LAMC3: variants seen among roughly 807,000 people sequenced by gnomAD.
LAMC3 encodes the protein laminin subunit gamma-3.
Under a neutral mutation model 173.8 loss-of-function variants are expected in LAMC3, and 128 were observed. The ratio of observed to expected loss-of-function variants is 0.74; its 90% CI spans 0.64 to 0.85. LAMC3 has a LOEUF of 0.85. Ranked by LOEUF, LAMC3 falls within the 40% of genes least tolerant of loss-of-function variation. The pLI, the probability that LAMC3 is intolerant of heterozygous loss-of-function variation, is 0.00. For synonymous variants in LAMC3, 897 were observed against 909.1 expected (o/e 0.99, Z 0.24); for missense variants, 2,022 against 2,156.0 (o/e 0.94, Z 1.23).
intron 17 of LAMC3, among the ~76,000 whole-genome samples, chr9:131,070,330 A>G (rs970716017): frequency 1.3e-5 from 2 of 152,216 alleles, no homozygotes; most frequent in Non-Finnish European, 2.9e-5. Context: ...TTCGTACTCC[A>G]GACTGGAGAT....
chr9:131,029,979 C>T lies in LAMC3; in HGVS notation c.679-2066C>T, dbSNP rs1294703792. On this transcript the variant is annotated intron_variant, in intron 2 of 27. Transcript: ENST00000361069. The surrounding 1 kb of genome is among the most constrained non-coding windows in gnomAD (Gnocchi z 4.6). ...TTTTTTTGAGACAGTTTCGCTCTGT[C>T]GCCCAGGCTGGAGTGCAGTGGCACG... Among the ~76,000 whole-genome samples the T allele has an allele frequency of 1.3e-5, 2 of 148,738 alleles. No individual in the cohort carries two copies. The highest frequency in any genetic ancestry group is 2.1e-4 in the South Asian group (1 of 4,750).
chr9:131,067,305 A>C, intron 14 of LAMC3, 100 bp downstream of exon 14: 1 of 1,477,412 alleles, frequency 6.8e-7, no homozygotes, highest in East Asian at 2.3e-5. Flanking sequence ...ACCCACCAGA[A>C]CCAGCTGGCT....
chr9:131,023,503 A>T (rs767740241), intron 1 of LAMC3, among the ~76,000 whole-genome samples: 1 of 152,134 alleles, frequency 6.6e-6, no homozygotes, highest in Non-Finnish European at 1.5e-5. Flanking sequence ...TTCTGGTTTT[A>T]TCTTGCATTT....
chr9:131,009,279 T>C lies in LAMC3; in HGVS notation c.65T>C (p.Met22Thr), dbSNP rs891453473. ...GCACCGCGGGCGGCCGGCGCGGGCA[T>C]GGGCGCGTGCTATGACGGCGCAGGG... is the stretch of plus-strand genomic sequence containing the variant. ...LLAPRAAGAG[M>T]GACYDGAGRP... is the part of the protein sequence containing the mutation. The change falls in exon 1 of 28, where the codon ATG (methionine) becomes ACG (threonine). Residue 22 changes from methionine to threonine, a missense_variant. Physicochemically the swap from Met to Thr is moderately conservative, Grantham distance 81. Transcript: ENST00000361069. This position sits in a 1 kb window ranked among gnomAD's most constrained non-coding sequence, Gnocchi z 4.3. 6 of 1,373,498 alleles carry C rather than the reference T, an allele frequency of 4.4e-6. No individual in the cohort carries two copies. The highest frequency in any genetic ancestry group is 1.6e-5 in the South Asian group (1 of 61,012). The allele number at this position is 1,373,498 out of a possible 1,614,324, so 85.1% of individuals were successfully genotyped here. A position where few individuals can be genotyped will look rare whatever the true frequency, so the allele number is the denominator to read the frequency against.
chr9:131,010,154 A>G (rs920519108), intron 1 of LAMC3, among the ~76,000 whole-genome samples: 1 of 112,482 alleles, frequency 8.9e-6, no homozygotes, highest in Non-Finnish European at 1.8e-5. Context: ...CTCCGTCTCA[A>G]AAAAAAAAAA....
chr9:131,009,928 C>T lies in LAMC3; in HGVS notation c.373+341C>T, dbSNP rs1156416687. On this transcript the variant is annotated intron_variant, in intron 1 of 27. Coordinates refer to ENST00000361069, the MANE Select transcript of LAMC3 (RefSeq NM_006059.4). The surrounding 1 kb of genome is among the most constrained non-coding windows in gnomAD (Gnocchi z 4.3). ...CAGCACTTTGGGAGGCCGAGGCGGG[C>T]GGATCACCTGAGGTCAGGAGTTCGA... 2.6e-5 allele frequency among the ~76,000 whole-genome samples: 4 copies of T among 151,308 alleles called. No homozygotes were observed. The highest frequency in any genetic ancestry group is 1.5e-5 in the Non-Finnish European group (1 of 67,812).
chr9:131,087,801 G>A lies in LAMC3; in HGVS notation c.4461G>A (p.Glu1487=), dbSNP rs371580316. Residue 1487 remains glutamate (E), a synonymous_variant, in exon 27 of 28, where the codon GAG becomes GAA. Transcript: ENST00000361069. ...SLEKDIETLS[E]LLARLGSLDT... ...AGAAGGACATCGAGACCTTGTCAGA[G>A]CTGCTTGCCAGGCTGGGTAAGGAGG... 6.2e-7 allele frequency: 1 copy of A among 1,614,056 alleles called. No homozygotes were observed. The highest frequency in any genetic ancestry group is 1.1e-5 in the South Asian group (1 of 91,088).
In LAMC3 at chr9:131,079,267, C is replaced by A. The variant is rs766329966; in HGVS notation, c.3896C>A (p.Ala1299Glu). 3 of 1,614,188 alleles carry A rather than the reference C, an allele frequency of 1.9e-6. No individual in the cohort carries two copies. The highest frequency in any genetic ancestry group is 2.5e-6 in the Non-Finnish European group (3 of 1,180,020). Residue 1299 changes from alanine to glutamate, a missense_variant, in exon 23 of 28, where the codon GCG (alanine) becomes GAG (glutamate). Ala to Glu is a moderately radical substitution (Grantham distance 107). Transcript: ENST00000361069. ...CGAACCCTCCAGACTGCTGCCCAGG[C>A]GACGCTACGGCAAACAGAACCCCTC... The part of the protein sequence containing the change: ...AARTLQTAAQ[A>E]TLRQTEPLTK...
At chr9:131,088,195 G>A (rs951302) in intron 27 of LAMC3, among the ~76,000 whole-genome samples, 24,971 of 152,042 alleles carry the variant, frequency 0.16, 2,225 homozygotes, top group South Asian at 0.24. Flanking sequence ...AGACTGTCAC[G>A]GCAGAAAGTG....
chr9:131,086,961 G>T (rs1170766100), intron 25 of LAMC3, among the ~76,000 whole-genome samples: 1 of 152,060 alleles, frequency 6.6e-6, no homozygotes, highest in Admixed American at 6.5e-5. Flanking sequence ...CTGGTCTCAA[G>T]CAAGCCTCCT....
chr9:131,043,001 C>T (rs1834083934), intron 7 of LAMC3, among the ~76,000 whole-genome samples: 1 of 151,734 alleles, frequency 6.6e-6, no homozygotes, highest in Non-Finnish European at 1.5e-5. Flanking sequence ...CTATCACAAC[C>T]CTCCCCTTTC....
rs1335091597 is a variant in LAMC3 at position 131,035,239 on chromosome 9, C to T, written c.810-927C>T. Among the ~76,000 whole-genome samples the T allele has an allele frequency of 2.6e-5, 4 of 152,180 alleles. No homozygotes were observed. In the East Asian group the frequency reaches 7.7e-4, roughly 29 times the overall value. On this transcript the variant is annotated intron_variant, in intron 3 of 27. Coordinates refer to ENST00000361069, the MANE Select transcript of LAMC3 (RefSeq NM_006059.4). ...TGCTGGGATTACAGGTGTGAGCCAC[C>T]ATGCCCAGCTGATGGTAATTTATTA...
At chr9:131,024,052 T>C (rs1196171361) in intron 1 of LAMC3, among the ~76,000 whole-genome samples, 1 of 152,204 alleles carries the variant, frequency 6.6e-6, no homozygotes, top group Non-Finnish European at 1.5e-5. Flanking sequence ...TTTTCTTTTG[T>C]TACCTGTGCT....
chr9:131,036,094 A>T, intron 3 of LAMC3, 72 bp from the exon 4 acceptor site: 3 of 1,516,740 alleles, frequency 2.0e-6, no homozygotes, highest in Non-Finnish European at 2.7e-6. Context: ...AACAGGGGCT[A>T]CCTGGTGACT....
chr9:131,065,237 CCGTCTATGTCCAGAG>C (rs1829910255), intron 13 of LAMC3, among the ~76,000 whole-genome samples: 1 of 152,068 alleles, frequency 6.6e-6, no homozygotes, highest in Non-Finnish European at 1.5e-5. Flanking sequence ...CTTTTATGCT[CCGTCTATGTCCAGAG>C]TAGACCTCTA....
chr9:131,017,324 C>A (rs565501634), intron 1 of LAMC3, among the ~76,000 whole-genome samples: 1 of 152,126 alleles, frequency 6.6e-6, no homozygotes, highest in Non-Finnish European at 1.5e-5. Flanking sequence ...TGCAAACGAG[C>A]GGCCTCACGC....
chr9:131,036,110 C>T, intron 3 of LAMC3, 56 bp from the exon 4 acceptor site: 1 of 1,595,658 alleles, frequency 6.3e-7, no homozygotes, highest in South Asian at 1.1e-5. Context: ...TGACTAACTC[C>T]TTGTCTGCCC....
In LAMC3 at chr9:131,014,846, G is replaced by A. The variant is rs551524664; in HGVS notation, c.373+5259G>A. 3.3e-5 allele frequency among the ~76,000 whole-genome samples: 5 copies of A among 152,224 alleles called. No individual in the cohort carries two copies. In the South Asian group the frequency reaches 1.0e-3, roughly 32 times the overall value. On this transcript the variant is annotated intron_variant, in intron 1 of 27. Transcript: ENST00000361069. ...AGAAATGAAAAAATTAGCCGGGCGC[G>A]GGGGCAAGTGCCTGTAGTCCCAGCT...
At chr9:131,066,437 G>A (rs932388447) in intron 13 of LAMC3, among the ~76,000 whole-genome samples, 1 of 151,980 alleles carries the variant, frequency 6.6e-6, no homozygotes, top group Non-Finnish European at 1.5e-5. Context: ...GTTGCAGTGA[G>A]CCGAGATCGT....
Sources: allele counts gnomAD v4.1 joint callset (sites outside exome capture counted in the v4.1 genomes callset), GRCh38; gene constraint gnomAD v4.1.1; non-coding constraint Gnocchi (gnomAD v3.1); transcripts MANE v1.5; gene names NCBI Gene and HGNC (gene_info 2026-07-23, HGNC 2026-07-21).